The following CSMD1 variants were observed in gnomAD, a reference collection of about 807,000 sequenced individuals.
CSMD1 encodes the protein CUB and sushi domain-containing protein 1.
A neutral mutation model predicts 417.5 loss-of-function variants in CSMD1; 213 were observed. The observed-to-expected ratio is 0.51, with a 90% CI of 0.46 to 0.57. CSMD1 has a LOEUF of 0.57. Among genes scored for constraint, CSMD1 ranks in the 20% least tolerant of loss-of-function variants. CSMD1 has a pLI of 0.00. For missense variants in CSMD1, 6,923 were observed against 4,529.7 expected, an observed-to-expected ratio of 1.53 and a Z score of -15.17; for synonymous variants, 2,862 against 1,736.8, an observed-to-expected ratio of 1.65 and a Z score of -16.11.
chr8:4,654,768 C>T (rs569625926), intron 1 of CSMD1, among the ~76,000 whole-genome samples: 2 of 151,832 alleles, frequency 1.3e-5, no homozygotes, highest in Non-Finnish European at 2.9e-5. Context: ...TTTTTGGGTC[C>T]CTTCTGTGTA....
intron 7 of CSMD1, among the ~76,000 whole-genome samples, chr8:3,632,547 G>C (rs970323120): frequency 6.6e-6 from 1 of 152,166 alleles, no homozygotes; most frequent in Non-Finnish European, 1.5e-5. Context: ...CAAGTGGGAT[G>C]TCTGGCTTCT....
At chr8:4,516,677 T>C (rs1803146139) in intron 2 of CSMD1, among the ~76,000 whole-genome samples, 1 of 152,140 alleles carries the variant, frequency 6.6e-6, no homozygotes, top group South Asian at 2.1e-4. Flanking sequence ...TTTTCCATGA[T>C]CAGCCCCAGA....
In CSMD1 at chr8:4,576,578, G is replaced by A. The variant is rs945523166; in HGVS notation, c.302+60764C>T. Among the ~76,000 whole-genome samples, 30 of 152,150 alleles carry A rather than the reference G, an allele frequency of 2.0e-4. No homozygotes were observed. In the East Asian group the frequency reaches 2.7e-3, roughly 14 times the overall value. The stretch of plus-strand genomic sequence containing the variant: ...TTGTTGGCAGGGGGTGGGGTGTGGC[G>A]TTGGGTTATTGTCCATCCAGTATCT... On this transcript the variant is annotated intron_variant, in intron 2 of 69. Transcript: ENST00000635120.
At chr8:3,949,728 T>C (rs912358245) in intron 5 of CSMD1, among the ~76,000 whole-genome samples, 2 of 152,036 alleles carry the variant, frequency 1.3e-5, no homozygotes, top group African/African-American at 4.8e-5. Context: ...GTATGAGCAA[T>C]GGGGACTTGA....
At chr8:4,181,137 C>T (rs1798348570) in intron 3 of CSMD1, among the ~76,000 whole-genome samples, 1 of 152,084 alleles carries the variant, frequency 6.6e-6, no homozygotes, top group South Asian at 2.1e-4. Context: ...TGCGAAACAG[C>T]CATCTATTTT....
chr8:4,738,895 C>CTGTGTTTGTGTGTG (rs1419577265), intron 1 of CSMD1, among the ~76,000 whole-genome samples: 1 of 35,116 alleles, frequency 2.8e-5, no homozygotes, highest in East Asian at 7.0e-4. Flanking sequence ...ACTTAAAATT[C>CTGTGTTTGTGTGTG]TGTGTGTTTG....
At chr8:4,715,951 G>C (rs79965081) in intron 1 of CSMD1, among the ~76,000 whole-genome samples, 31 of 152,252 alleles carry the variant, frequency 2.0e-4, no homozygotes, top group African/African-American at 5.8e-4. Context: ...AATCGTCTTC[G>C]TTAAATGTGT....
intron 1 of CSMD1, among the ~76,000 whole-genome samples, chr8:4,972,874 C>T (rs1810326749): frequency 6.6e-6 from 1 of 152,096 alleles, no homozygotes; most frequent in Non-Finnish European, 1.5e-5. Context: ...TAATTACCTG[C>T]TAAATGAACA....
At chr8:4,623,022 A>G (rs1280782676) in intron 2 of CSMD1, among the ~76,000 whole-genome samples, 5 of 152,190 alleles carry the variant, frequency 3.3e-5, no homozygotes, top group Admixed American at 2.0e-4. Flanking sequence ...CTTTTTTAAG[A>G]CTAAAAAATG....
At chr8:4,641,676 A>C (rs1803200745) in intron 1 of CSMD1, among the ~76,000 whole-genome samples, 1 of 152,198 alleles carries the variant, frequency 6.6e-6, no homozygotes, top group Admixed American at 6.5e-5. Flanking sequence ...CAAACACAGC[A>C]GGCAACCCAG....
chr8:4,446,389 A>G (rs1798790522), intron 2 of CSMD1, among the ~76,000 whole-genome samples: 1 of 152,062 alleles, frequency 6.6e-6, no homozygotes, highest in South Asian at 2.1e-4. Flanking sequence ...CTCCATAAAA[A>G]CAAACAAAAG....
At chr8:4,656,525 C>G (rs1442535599) in intron 1 of CSMD1, among the ~76,000 whole-genome samples, 2 of 152,052 alleles carry the variant, frequency 1.3e-5, no homozygotes, top group African/African-American at 2.4e-5. Context: ...ATTCTGACAA[C>G]TTTGGGTTTG....
At chr8:4,042,113 G>A (rs752934574) in intron 3 of CSMD1, among the ~76,000 whole-genome samples, 2 of 151,984 alleles carry the variant, frequency 1.3e-5, no homozygotes, top group African/African-American at 4.8e-5. Context: ...AAAAAAAGAA[G>A]AAAAGGAAAC....
At chr8:3,182,628 GTGTGTA>G (rs1821425015) in intron 36 of CSMD1, among the ~76,000 whole-genome samples, 2 of 40,944 alleles carry the variant, frequency 4.9e-5, no homozygotes, top group African/African-American at 7.8e-5. Flanking sequence ...GTGTGTGTGT[GTGTGTA>G]TTGTTAGTAG....
chr8:4,990,544 T>C (rs1483568618), intron 1 of CSMD1, among the ~76,000 whole-genome samples: 1 of 152,062 alleles, frequency 6.6e-6, no homozygotes, highest in Non-Finnish European at 1.5e-5. Flanking sequence ...CGTATTTTTT[T>C]TGTAGAGATG....
chr8:4,826,706 T>C (rs1487140124), intron 1 of CSMD1, among the ~76,000 whole-genome samples: 1 of 152,152 alleles, frequency 6.6e-6, no homozygotes, highest in East Asian at 1.9e-4. Flanking sequence ...CCCTGCGCTC[T>C]GCCTTTCGTG....
At chr8:3,407,522 G>A (rs1198955585) in intron 14 of CSMD1, among the ~76,000 whole-genome samples, 1 of 151,806 alleles carries the variant, frequency 6.6e-6, no homozygotes, top group Non-Finnish European at 1.5e-5. Flanking sequence ...AAAGGATACA[G>A]ATGGACAGAT....
At chr8:3,595,488 AC>A (rs1801048284) in intron 8 of CSMD1, among the ~76,000 whole-genome samples, 1 of 152,050 alleles carries the variant, frequency 6.6e-6, no homozygotes, top group South Asian at 2.1e-4. Context: ...AGTAGATGGA[AC>A]TCTCTAGCCT....
chr8:3,011,068 T>C (rs1808348493), intron 52 of CSMD1, among the ~76,000 whole-genome samples: 1 of 152,218 alleles, frequency 6.6e-6, no homozygotes, highest in South Asian at 2.1e-4. Context: ...TTTACCTTAT[T>C]TACTCCTTAG....
Sources: gnomAD v4.1 joint callset for allele counts (sites outside exome capture counted in the v4.1 genomes callset) on GRCh38, gnomAD v4.1.1 for gene constraint, MANE v1.5 for transcripts, NCBI Gene and HGNC (gene_info 2026-07-23, HGNC 2026-07-21) for gene names.